MRPS22: variants seen among roughly 807,000 people sequenced by gnomAD.
MRPS22 encodes small ribosomal subunit protein mS22.
Under a neutral mutation model 44.0 loss-of-function variants are expected in MRPS22, and 30 were observed. The observed-to-expected ratio is 0.68, with a 90% CI of 0.51 to 0.93. MRPS22 has a LOEUF of 0.93. MRPS22 is among the 40% of genes least tolerant of loss of function. The pLI is 0.00. For synonymous variants in MRPS22, 165 were observed against 154.4 expected, an observed-to-expected ratio of 1.07 and a Z score of -0.51; for missense variants, 447 against 447.8, an observed-to-expected ratio of 1.00 and a Z score of 0.02.
chr3:139,344,728 A>C, intron 1 of MRPS22: 1 of 697,814 alleles, frequency 1.4e-6, no homozygotes, highest in African/African-American at 1.8e-5. Flanking sequence ...GGTAGGATTG[A>C]TAAGGCTTGA....
At chr3:139,355,582 G>T (rs1941232705) in intron 6 of MRPS22, 100 bp from the exon 7 acceptor site, 1 of 955,382 alleles carries the variant, frequency 1.0e-6, no homozygotes. Flanking sequence ...CCTGAGGAAA[G>T]TCTGAAATGT....
At position 139,352,629 on chromosome 3, in the gene MRPS22, T is replaced by C. The variant is rs1941172111; in HGVS notation, c.733-18T>C. 6.2e-7 allele frequency: 1 copy of C among 1,610,402 alleles called. No individual in the cohort carries two copies. Among genetic ancestry groups the C allele is most frequent in the African/African-American group, 1.3e-5 (1 of 74,856 alleles). ...TCTTATTTTCATGTTTCTGAAGAGTTGCATTTTATGTGGATAGGTTCATCA... is the reference window on the plus strand; with the variant it reads ...TCTTATTTTCATGTTTCTGAAGAGTCGCATTTTATGTGGATAGGTTCATCA... On this transcript the variant is annotated intron_variant, in intron 5 of 7. Coordinates refer to ENST00000680020, the MANE Select transcript of MRPS22 (RefSeq NM_020191.4).
intron 1 of MRPS22, among the ~76,000 whole-genome samples, chr3:139,345,928 TGAGAAGG>T (rs2107786753): frequency 6.6e-6 from 1 of 152,278 alleles, no homozygotes; most frequent in East Asian, 1.9e-4. Context: ...AGTAAGAATC[TGAGAAGG>T]GAGAAAAGGA....
chr3:139,356,569 T>C (rs941341586), intron 7 of MRPS22, among the ~76,000 whole-genome samples: 4 of 152,234 alleles, frequency 2.6e-5, no homozygotes, highest in African/African-American at 9.6e-5. Context: ...GAAAATATTC[T>C]TTAAAGTCAA....
chr3:139,357,049 C>A lies in MRPS22; in HGVS notation c.*35C>A. 1 of 1,439,534 alleles carries A rather than the reference C, an allele frequency of 6.9e-7. No individual in the cohort carries two copies. The highest frequency in any genetic ancestry group is 1.7e-5 in the Admixed American group (1 of 58,856). The allele number at this position is 1,439,534 out of a possible 1,614,324, so 89.2% of individuals were successfully genotyped here. On this transcript the variant is annotated 3_prime_UTR_variant, in exon 8 of 8. Coordinates refer to ENST00000680020, the MANE Select transcript of MRPS22 (RefSeq NM_020191.4). ...AAAAATACATTTATTTTACTAAATACTGACTACATTTCTCTGTTAATATTG... is the reference window on the plus strand; with the variant it reads ...AAAAATACATTTATTTTACTAAATAATGACTACATTTCTCTGTTAATATTG...
At position 139,348,343 on chromosome 3, in the gene MRPS22, G is replaced by C; in HGVS notation, c.504+19G>C. 6.2e-7 allele frequency: 1 copy of C among 1,610,630 alleles called. No homozygotes were observed. Among genetic ancestry groups the C allele is most frequent in the Non-Finnish European group, 8.5e-7 (1 of 1,177,596 alleles). On this transcript the variant is annotated intron_variant, in intron 3 of 7. Coordinates refer to ENST00000680020, the MANE Select transcript of MRPS22 (RefSeq NM_020191.4). ...ACACCGGGTGAGTATATGTCTAATC[G>C]CAAAATGATCTTTCTTTGAAATACT...
chr3:139,350,915 ATCAGGACAGGTGCTGAACT>A, intron 4 of MRPS22, 43 bp from the exon 5 acceptor site: 2 of 1,338,944 alleles, frequency 1.5e-6, no homozygotes, highest in Non-Finnish European at 2.2e-6. Flanking sequence ...CTGTCATGAC[ATCAGGACAGGTGCTGAACT>A]TCAGTGTTCT....
chr3:139,350,976 G>A lies in MRPS22; in HGVS notation c.649-1G>A. 6.2e-7 allele frequency: 1 copy of A among 1,613,718 alleles called. No individual in the cohort carries two copies. The highest frequency in any genetic ancestry group is 8.5e-7 in the Non-Finnish European group (1 of 1,179,664). Reference sequence around the variant, plus strand: ...ATGCTAACTCTGCTGTGTGGTTTTAGACTATGTATAGCCAGGACAGGCATG... The same window carrying A: ...ATGCTAACTCTGCTGTGTGGTTTTAAACTATGTATAGCCAGGACAGGCATG... On this transcript the variant is annotated splice_acceptor_variant, in intron 4 of 7. Transcript: ENST00000680020. LOFTEE classifies it high-confidence loss of function.
intron 1 of MRPS22, 89 bp downstream of exon 1, chr3:139,344,287 G>A (rs1199100705): frequency 2.2e-6 from 3 of 1,366,694 alleles, no homozygotes; most frequent in Admixed American, 3.9e-5. Flanking sequence ...GATAGCCCCC[G>A]CGACACGTAT....
Position 139,347,782 on chromosome 3 carries a change from C to T in MRPS22, c.340-378C>T, listed in dbSNP as rs929804656. 3.3e-5 allele frequency among the ~76,000 whole-genome samples: 5 copies of T among 152,168 alleles called. No homozygotes were observed. The East Asian group carries it at 9.6e-4, about 29-fold the overall frequency. On this transcript the variant is annotated intron_variant, in intron 2 of 7. Coordinates refer to ENST00000680020, the MANE Select transcript of MRPS22 (RefSeq NM_020191.4). ...TAAAATGGAGATGATAACAATTGCACCTAACTCATAAGGTAATTGAGGCCA... is the reference window on the plus strand; with the variant it reads ...TAAAATGGAGATGATAACAATTGCATCTAACTCATAAGGTAATTGAGGCCA...
In MRPS22 at chr3:139,350,171, TA is replaced by T. The variant is rs746734231; in HGVS notation, c.505-7del. On this transcript the variant is annotated splice_region_variant and splice_polypyrimidine_tract_variant and intron_variant, in intron 3 of 7. Transcript: ENST00000680020. ...AAACGCATCCTTGATTATGTTTTTCTATTTTAGGAGCGTTTTATTGTCGTCA... is the reference window on the plus strand; with the variant it reads ...AAACGCATCCTTGATTATGTTTTTCTTTTTAGGAGCGTTTTATTGTCGTCA... The T allele has an allele frequency of 2.5e-6, 4 of 1,614,134 alleles. No individual in the cohort carries two copies. Among genetic ancestry groups the T allele is most frequent in the South Asian group, 1.1e-5 (1 of 91,070 alleles).
chr3:139,348,196 T>G lies in MRPS22; in HGVS notation c.376T>G (p.Leu126Val), dbSNP rs371379101. 6.2e-7 allele frequency: 1 copy of G among 1,614,058 alleles called. No homozygotes were observed. Among genetic ancestry groups the G allele is most frequent in the African/African-American group, 1.3e-5 (1 of 74,934 alleles). The change falls in exon 3 of 8, where the codon TTA becomes GTA. Residue 126 changes from leucine to valine, a missense_variant. Transcript: ENST00000680020. ...GGCAGTTGAGGCAGCTAAAGTACGA[T>G]TAAAAATGCCACCAGTTCTGGAAGA... ...RQAVEAAKVR[L>V]KMPPVLEERV...
Position 139,344,214 on chromosome 3 carries a change from G to C in MRPS22, c.172+16G>C. On this transcript the variant is annotated intron_variant, in intron 1 of 7. Transcript: ENST00000680020. ...TCCGAGGCCGGTAAGTGACCTTCCG[G>C]ACTTTCGCTGGGGCGTTCTTCTGGG... is the stretch of plus-strand genomic sequence containing the variant. 7 of 1,593,080 alleles carry C rather than the reference G, an allele frequency of 4.4e-6. No individual in the cohort carries two copies. Among genetic ancestry groups the C allele is most frequent in the Non-Finnish European group, 6.0e-6 (7 of 1,171,098 alleles).
intron 6 of MRPS22, 72 bp downstream of exon 6, chr3:139,352,864 T>C: frequency 6.6e-7 from 1 of 1,517,680 alleles, no homozygotes; most frequent in Non-Finnish European, 9.1e-7. Flanking sequence ...TAGGCTATGG[T>C]ATTTTTCCAG....
chr3:139,344,810 T>A (rs907901483), intron 1 of MRPS22: 6 of 583,850 alleles, frequency 1.0e-5, no homozygotes, highest in African/African-American at 9.5e-5. Context: ...GAATAGAGGG[T>A]TGTCCCATTT....
intron 5 of MRPS22, 81 bp from the exon 6 acceptor site, chr3:139,352,565 CT>C: frequency 7.8e-7 from 1 of 1,283,392 alleles, no homozygotes; most frequent in Non-Finnish European, 1.1e-6. Context: ...TTGGGCAGCA[CT>C]CATGCTAATC....
intron 1 of MRPS22, chr3:139,344,549 G>A (rs1941001901): frequency 3.3e-6 from 2 of 613,392 alleles, no homozygotes; most frequent in Admixed American, 2.8e-5. Context: ...CACAGGAGAG[G>A]CACTCAAACT....
chr3:139,355,540 TA>T, intron 6 of MRPS22, 141 bp from the exon 7 acceptor site: 1 of 746,076 alleles, frequency 1.3e-6, no homozygotes. Context: ...TTTGAAACTG[TA>T]AAACTGAAGG....
At chr3:139,347,724 C>T (rs958289419) in intron 2 of MRPS22, among the ~76,000 whole-genome samples, 5 of 152,166 alleles carry the variant, frequency 3.3e-5, no homozygotes, top group Non-Finnish European at 5.9e-5. Context: ...TAGCAATTTA[C>T]TTAACATCTG....
Sources: gnomAD v4.1 joint callset for allele counts (sites outside exome capture counted in the v4.1 genomes callset) on GRCh38, gnomAD v4.1.1 for gene constraint, MANE v1.5 for transcripts, NCBI Gene and HGNC (gene_info 2026-07-23, HGNC 2026-07-21) for gene names.